The following PPIL3 variants were observed in gnomAD, a reference collection of about 807,000 sequenced individuals.
PPIL3 encodes the protein peptidyl-prolyl cis-trans isomerase-like 3.
PPIL3 carries 13 observed loss-of-function variants against 20.9 expected under a neutral mutation model. That is an observed-to-expected ratio of 0.62 (90% CI 0.40 to 0.99). The LOEUF (loss-of-function observed/expected upper bound fraction) is 0.99, where lower values mean the gene tolerates loss of function less well. Ranked by LOEUF, PPIL3 falls within the 50% of genes least tolerant of loss-of-function variation. The probability of loss-of-function intolerance (pLI) is 0.00; values close to 1 mark genes in which losing one functional copy is unlikely to be tolerated. For synonymous variants in PPIL3, 71 were observed against 64.4 expected, an observed-to-expected ratio of 1.10 and a Z score of -0.49; for missense variants, 170 against 195.2, an observed-to-expected ratio of 0.87 and a Z score of 0.77.
At chr2:200,889,272 T>C (rs2040105707), upstream of PPIL3, 1 of 314,828 alleles carries the variant, frequency 3.2e-6, no homozygotes, top group Non-Finnish European at 6.4e-6. Flanking sequence ...TGCTTTACAC[T>C]CGGCTGCCAA....
rs374477057 is a variant in PPIL3, at chr2:200,887,667, C to A, written c.-52G>T. Reference sequence around the variant, plus strand: ...ACTACGTGATTTCTCAGTCTTACAGCGAGCTCAAAAATAAGTCTCTAGTCC... The same window carrying A: ...ACTACGTGATTTCTCAGTCTTACAGAGAGCTCAAAAATAAGTCTCTAGTCC... On this transcript the variant is annotated 5_prime_UTR_variant, in exon 2 of 7. Transcript: ENST00000392283. 5.7e-5 allele frequency: 87 copies of A among 1,535,396 alleles called. No individual in the cohort carries two copies. Among genetic ancestry groups the A allele is most frequent in the Non-Finnish European group, 7.5e-5 (85 of 1,131,742 alleles).
intron 2 of PPIL3, among the ~76,000 whole-genome samples, chr2:200,886,666 T>C (rs553059786): frequency 6.6e-6 from 1 of 152,278 alleles, no homozygotes; most frequent in South Asian, 2.1e-4. Flanking sequence ...CCTCAAGTGA[T>C]TGGCCCACCT....
intron 6 of PPIL3, 74 bp from the exon 7 acceptor site, chr2:200,871,595 A>C: frequency 1.5e-6 from 2 of 1,302,388 alleles, no homozygotes; most frequent in Non-Finnish European, 2.1e-6. Flanking sequence ...TGACAATTAC[A>C]GTCTCCTTAA....
intron 2 of PPIL3, among the ~76,000 whole-genome samples, chr2:200,887,404 A>T (rs2124845152): frequency 6.6e-6 from 1 of 151,240 alleles, no homozygotes; most frequent in Non-Finnish European, 1.5e-5. Flanking sequence ...AAAAAAAGGT[A>T]AATTCTGTGC....
intron 5 of PPIL3, among the ~76,000 whole-genome samples, chr2:200,878,042 A>G (rs1381038482): frequency 8.5e-5 from 13 of 152,248 alleles, no homozygotes; most frequent in African/African-American, 2.4e-5. Flanking sequence ...GGTGACGCTA[A>G]TAAGTCATAG....
intron 2 of PPIL3, among the ~76,000 whole-genome samples, chr2:200,886,221 G>C (rs1002618012): frequency 5.9e-5 from 9 of 152,000 alleles, no homozygotes; most frequent in African/African-American, 1.9e-4. Flanking sequence ...TGAGAAATAG[G>C]GTTAAAAAAT....
chr2:200,873,029 G>A (rs776964486), intron 6 of PPIL3, among the ~76,000 whole-genome samples: 6 of 151,898 alleles, frequency 4.0e-5, no homozygotes, highest in Non-Finnish European at 5.9e-5. Flanking sequence ...CTACCACCAC[G>A]CCTGGCTAAT....
At chr2:200,877,462 T>C (rs1174048590) in intron 5 of PPIL3, 1 of 153,540 alleles carries the variant, frequency 6.5e-6, no homozygotes, top group Non-Finnish European at 1.4e-5. Context: ...TGGACACTTT[T>C]TGCAATACCA....
Position 200,885,791 on chromosome 2 carries a change from G to A in PPIL3, c.4-19C>T. Reference sequence around the variant, plus strand: ...TCACAGACTAAAAAGGAGAGAAAATGTGAGAACAAATGAAATTTATTTAGG... The same window carrying A: ...TCACAGACTAAAAAGGAGAGAAAATATGAGAACAAATGAAATTTATTTAGG... On this transcript the variant is annotated intron_variant, in intron 2 of 6. Coordinates refer to ENST00000392283, the MANE Select transcript of PPIL3 (RefSeq NM_130906.3). 1.4e-6 allele frequency: 2 copies of A among 1,469,552 alleles called. No individual in the cohort carries two copies. The highest frequency in any genetic ancestry group is 2.3e-5 in the East Asian group (1 of 43,694). 91.0% of individuals were successfully genotyped at this position (1,469,552 alleles called of 1,614,324 possible).
chr2:200,884,174 G>A (rs1348963841), intron 3 of PPIL3, among the ~76,000 whole-genome samples: 2 of 120,206 alleles, frequency 1.7e-5, no homozygotes, highest in Non-Finnish European at 3.5e-5. Flanking sequence ...CAGCCAAGAC[G>A]GGTGGATCAC....
In PPIL3 at chr2:200,882,439, A is replaced by G; in HGVS notation, c.79-4T>C. 1 of 1,547,188 alleles carries G rather than the reference A, an allele frequency of 6.5e-7. No homozygotes were observed. Among genetic ancestry groups the G allele is most frequent in the South Asian group, 1.1e-5 (1 of 89,564 alleles). ...TGGCACAAAGAGCCAAGAAATTCTGAAGGGAGTAAAAATGATTGAGAAATG... is the reference window on the plus strand; with the variant it reads ...TGGCACAAAGAGCCAAGAAATTCTGGAGGGAGTAAAAATGATTGAGAAATG... On this transcript the variant is annotated splice_region_variant and splice_polypyrimidine_tract_variant and intron_variant, in intron 3 of 6. Transcript: ENST00000392283.
At chr2:200,885,495 G>T (rs900946360) in intron 3 of PPIL3, 5 of 512,470 alleles carry the variant, frequency 9.8e-6, no homozygotes, top group Non-Finnish European at 1.3e-5. Context: ...TATCGTTACC[G>T]AAAAATTATC....
intron 6 of PPIL3, among the ~76,000 whole-genome samples, chr2:200,874,017 A>G (rs987758687): frequency 4.0e-5 from 6 of 151,236 alleles, no homozygotes; most frequent in Non-Finnish European, 8.9e-5. Flanking sequence ...CATCCTGGCT[A>G]ACATGGTGAA....
chr2:200,885,700 C>A lies in PPIL3; in HGVS notation c.76G>T (p.Glu26Ter). 1 of 1,545,012 alleles carries A rather than the reference C, an allele frequency of 6.5e-7. No homozygotes were observed. The highest frequency in any genetic ancestry group is 1.1e-5 in the South Asian group (1 of 88,968). Residue 26 changes from glutamate to a stop codon, truncating the protein, a stop_gained and splice_region_variant, in exon 3 of 7, where the codon GAG becomes TAG. Transcript: ENST00000392283. LOFTEE classifies it high-confidence loss of function. ...AATATGTAAATAATAGTACTTACCT[C>A]ACATGTTTTGGGTGTCCTCTCACAG... The part of the protein sequence containing the change: ...VFCERTPKTC[E>*]NFLALCASNY...
In PPIL3 at chr2:200,881,431, T is replaced by C. The variant is rs754285182; in HGVS notation, c.230A>G (p.Glu77Gly). Residue 77 changes from glutamate to glycine, a missense_variant, in exon 5 of 7, where the codon GAA becomes GGA. By Grantham distance (98) the Glu-to-Gly change is moderately conservative (BLOSUM62 -2). Coordinates refer to ENST00000392283, the MANE Select transcript of PPIL3 (RefSeq NM_130906.3). Reference sequence around the variant, plus strand: ...GCATTGAGGATTTACCTTAAGATATTCACTGTATTCATCCTCAAACTTCTT... The same window carrying C: ...GCATTGAGGATTTACCTTAAGATATCCACTGTATTCATCCTCAAACTTCTT... ...WGKKFEDEYS[E>G]YLKHNVRGVV... 1 of 1,612,510 alleles carries C rather than the reference T, an allele frequency of 6.2e-7. No homozygotes were observed. Among genetic ancestry groups the C allele is most frequent in the South Asian group, 1.1e-5 (1 of 90,806 alleles).
At chr2:200,888,372 G>A (rs2040049523) in intron 1 of PPIL3, 1 of 151,318 alleles carries the variant, frequency 6.6e-6, no homozygotes, top group Admixed American at 6.6e-5. Context: ...TCAGCCCTAG[G>A]ACATTCCTAT....
chr2:200,876,861 A>T, intron 6 of PPIL3, 58 bp downstream of exon 6: 1 of 1,215,696 alleles, frequency 8.2e-7, no homozygotes, highest in African/African-American at 1.5e-5. Context: ...TGTCACAGCT[A>T]AGCATATGCA....
intron 1 of PPIL3, 130 bp downstream of exon 1, chr2:200,888,826 C>G (rs1393938745): frequency 9.1e-6 from 4 of 437,440 alleles, no homozygotes; most frequent in Non-Finnish European, 1.9e-5. Flanking sequence ...TTCTTTTACT[C>G]TGACGTTGCA....
At chr2:200,876,703 G>A (rs1262469085) in intron 6 of PPIL3, among the ~76,000 whole-genome samples, 3 of 151,938 alleles carry the variant, frequency 2.0e-5, no homozygotes, top group East Asian at 1.9e-4. Context: ...AATATTTTTA[G>A]TAGAGACAGG....
Sources: allele counts gnomAD v4.1 joint callset (sites outside exome capture counted in the v4.1 genomes callset), GRCh38; gene constraint gnomAD v4.1.1; transcripts MANE v1.5; gene names NCBI Gene and HGNC (gene_info 2026-07-23, HGNC 2026-07-21).